Variants in CHD7 observed in about 807,000 individuals in gnomAD.
CHD7 encodes the protein ATP-dependent chromatin remodeler CHD7.
CHD7 carries 24 observed loss-of-function variants against 307.3 expected under a neutral mutation model. The ratio of observed to expected loss-of-function variants is 0.08; its 90% CI spans 0.06 to 0.11. The LOEUF is 0.11. Ranked by LOEUF, CHD7 falls within the 10% of genes least tolerant of loss-of-function variation. The pLI is 1.00. For synonymous variants in CHD7, 1,363 were observed against 1,349.9 expected (o/e 1.01, Z -0.21); for missense variants, 3,106 against 3,727.1 (o/e 0.83, Z 4.34).
Position 60,853,431 on chromosome 8 carries a change from G to A in CHD7, c.6706G>A (p.Gly2236Ser). ...TGGGTCCAAATCTATTTCAGAGAAA[G>A]GTTCCGAAGAGGATGAAGAGGAAAA... The part of the protein sequence containing the change: ...DTGSKSISEK[G>S]SEEDEEEKLE... Residue 2236 changes from glycine (G) to serine (S), a missense_variant, in exon 31 of 38, where the codon GGT becomes AGT. Gly to Ser is a moderately conservative substitution (Grantham distance 56, BLOSUM62 0). Coordinates refer to ENST00000423902, the MANE Select transcript of CHD7 (RefSeq NM_017780.4). The A allele has an allele frequency of 2.0e-6, 3 of 1,521,510 alleles. No individual in the cohort carries two copies. Among genetic ancestry groups the A allele is most frequent in the South Asian group, 2.7e-5 (2 of 73,820 alleles). 94.3% of individuals were successfully genotyped at this position (1,521,510 alleles called of 1,614,324 possible). A position where few individuals can be genotyped will look rare whatever the true frequency, so the allele number is the denominator to read the frequency against.
chr8:60,808,498 A>G (rs555080898), intron 7 of CHD7, among the ~76,000 whole-genome samples: 22 of 152,244 alleles, frequency 1.4e-4, no homozygotes, highest in Non-Finnish European at 4.4e-5. Context: ...TGTATAACCA[A>G]TAAGTATTTT....
chr8:60,726,041 A>G (rs1266455019), intron 1 of CHD7, among the ~76,000 whole-genome samples: 1 of 152,252 alleles, frequency 6.6e-6, no homozygotes, highest in East Asian at 1.9e-4. Flanking sequence ...AGGGAGGAGC[A>G]GTTACTTTCC....
In CHD7 at chr8:60,865,259, G is replaced by A. The variant is rs1437179253; in HGVS notation, c.8320G>A (p.Gly2774Ser). 3 of 1,607,426 alleles carry A rather than the reference G, an allele frequency of 1.9e-6. No homozygotes were observed. The highest frequency in any genetic ancestry group is 3.3e-4 in the Middle Eastern group (2 of 6,058). ...GTCGCTCCAGCTGGCAGGCCTCATG[G>A]GCTTCCCTCCAGGACTGGCAACAGC... ...LQSLQLAGLM[G>S]FPPGLATAAT... Residue 2774 changes from glycine to serine, a missense_variant, in exon 38 of 38, where the codon GGC (glycine) becomes AGC (serine). This residue lies in a region of CHD7 where 351 missense variants were observed against 366.2 expected (regional missense o/e 0.96). Transcript: ENST00000423902. The surrounding 1 kb of genome is among the most constrained non-coding windows in gnomAD (Gnocchi z 4.3).
At chr8:60,801,709 T>C in intron 6 of CHD7, 116 bp downstream of exon 6, 1 of 680,370 alleles carries the variant, frequency 1.5e-6, no homozygotes. Flanking sequence ...TCCAGTAATA[T>C]TTCTAATCCT....
At chr8:60,829,382 G>A (rs576815165) in intron 14 of CHD7, among the ~76,000 whole-genome samples, 3 of 152,266 alleles carry the variant, frequency 2.0e-5, no homozygotes, top group East Asian at 1.9e-4. Flanking sequence ...GGCGGATCAC[G>A]AGGTCAGGAG....
At position 60,679,027 on chromosome 8, in the gene CHD7, G is replaced by C. The variant is rs886063030; in HGVS notation, c.-230G>C. The C allele has an allele frequency of 1.2e-3, 182 of 151,012 alleles. 2 individuals are homozygous for C. The highest frequency in any genetic ancestry group is 2.2e-3 in the Non-Finnish European group (152 of 67,744). 9.4% of individuals were successfully genotyped at this position (151,012 alleles called of 1,614,324 possible). Reference sequence around the variant, plus strand: ...AGCTGCCGAGCCAACTCCGGAGCCCGCTCTGCGTTTTGTTTTCCCCTCGGC... The same window carrying C: ...AGCTGCCGAGCCAACTCCGGAGCCCCCTCTGCGTTTTGTTTTCCCCTCGGC... On this transcript the variant is annotated 5_prime_UTR_variant, in exon 1 of 38. Transcript: ENST00000423902.
intron 1 of CHD7, among the ~76,000 whole-genome samples, chr8:60,737,352 T>C (rs1327819681): frequency 6.6e-6 from 1 of 152,248 alleles, no homozygotes; most frequent in Non-Finnish European, 1.5e-5. Flanking sequence ...TAATATTTTG[T>C]CCTCACTAGT....
chr8:60,699,621 C>T (rs543024854), intron 1 of CHD7, among the ~76,000 whole-genome samples: 1 of 152,026 alleles, frequency 6.6e-6, no homozygotes, highest in East Asian at 1.9e-4. Flanking sequence ...ATTTCCTTCC[C>T]TAGAGCCTCT....
intron 1 of CHD7, among the ~76,000 whole-genome samples, chr8:60,688,143 C>T (rs1470055894): frequency 1.3e-5 from 2 of 152,190 alleles, no homozygotes; most frequent in Non-Finnish European, 2.9e-5. Context: ...CTTCTGCTCA[C>T]ATGGAGATGA....
At chr8:60,731,501 A>G (rs1354676195) in intron 1 of CHD7, among the ~76,000 whole-genome samples, 1 of 152,202 alleles carries the variant, frequency 6.6e-6, no homozygotes, top group Non-Finnish European at 1.5e-5. Context: ...TTGAGTGTCC[A>G]CTAGAGGTCT....
Position 60,865,888 on chromosome 8 carries a change from A to T in CHD7, c.8949A>T (p.Ser2983=). The change falls in exon 38 of 38, where the codon TCA becomes TCT. Residue 2983 remains serine, a synonymous_variant. Coordinates refer to ENST00000423902, the MANE Select transcript of CHD7 (RefSeq NM_017780.4). This position sits in a 1 kb window ranked among gnomAD's most constrained non-coding sequence, Gnocchi z 4.3. ...TAGCACAGGGTGAAGAGCTAGACTC[A>T]CTTGATGGGGGGGATGAAATAGAAA... ...DEIAQGEELD[S]LDGGDEIENN... The T allele has an allele frequency of 2.5e-6, 4 of 1,610,690 alleles. No homozygotes were observed. Among genetic ancestry groups the T allele is most frequent in the Non-Finnish European group, 3.4e-6 (4 of 1,178,434 alleles).
chr8:60,693,755 C>G (rs565911869), intron 1 of CHD7, among the ~76,000 whole-genome samples: 9 of 152,364 alleles, frequency 5.9e-5, no homozygotes, highest in African/African-American at 2.2e-4. Context: ...GTGGGTTAGC[C>G]TAGTGCTTTT....
intron 1 of CHD7, among the ~76,000 whole-genome samples, chr8:60,720,191 C>T (rs1042513155): frequency 6.6e-6 from 1 of 152,130 alleles, no homozygotes; most frequent in Non-Finnish European, 1.5e-5. Context: ...ACTTATCTGT[C>T]CTCTTTCAAT....
At chr8:60,808,597 G>T (rs1812645489) in intron 7 of CHD7, 1 of 302,192 alleles carries the variant, frequency 3.3e-6, no homozygotes, top group Non-Finnish European at 6.2e-6. Flanking sequence ...ACCCTGTGGG[G>T]CTACACTTCG....
At chr8:60,729,768 C>G (rs10283352) in intron 1 of CHD7, among the ~76,000 whole-genome samples, 79,270 of 152,120 alleles carry the variant, frequency 0.52, 24,944 homozygotes, top group East Asian at 0.78. Context: ...AGCTTGTCTT[C>G]TCACTGCACT....
Position 60,861,102 on chromosome 8 carries a change from G to A in CHD7, c.7807G>A (p.Val2603Ile). The change falls in exon 35 of 38, where the codon GTT becomes ATT. Residue 2603 changes from valine to isoleucine, a missense_variant. Val to Ile is a conservative substitution (Grantham distance 29, BLOSUM62 3). Transcript: ENST00000423902. ...GCTGAAGCTGCACCCTACTTACACT[G>A]TTGATATGCCAAGTTATGTACCAGT... ...EWLKLHPTYT[V>I]DMPSYVPKNA... The A allele has an allele frequency of 2.5e-6, 4 of 1,598,424 alleles. No homozygotes were observed. The African/African-American group carries it at 5.4e-5, about 21-fold the overall frequency.
intron 1 of CHD7, among the ~76,000 whole-genome samples, chr8:60,724,153 G>A (rs993053026): frequency 1.1e-4 from 16 of 152,208 alleles, no homozygotes; most frequent in African/African-American, 3.1e-4. Flanking sequence ...GAGGTAGTTC[G>A]TCGGGGGTTT....
chr8:60,689,294 A>C (rs1171122551), intron 1 of CHD7, among the ~76,000 whole-genome samples: 1 of 152,244 alleles, frequency 6.6e-6, no homozygotes, highest in Non-Finnish European at 1.5e-5. Context: ...CAGTAGCTCC[A>C]AGGGGTTGAT....
At chr8:60,832,246 A>T (rs894971596) in intron 15 of CHD7, among the ~76,000 whole-genome samples, 3 of 152,230 alleles carry the variant, frequency 2.0e-5, no homozygotes, top group Admixed American at 6.5e-5. Context: ...GCTGGTATCG[A>T]ACTCCTGAGC....
Sources: allele counts gnomAD v4.1 joint callset (sites outside exome capture counted in the v4.1 genomes callset), GRCh38; gene constraint gnomAD v4.1.1; regional missense constraint gnomAD v4.1.1; non-coding constraint Gnocchi (gnomAD v3.1); transcripts MANE v1.5; gene names NCBI Gene and HGNC (gene_info 2026-07-23, HGNC 2026-07-21).